Variants in SORCS3 observed in about 807,000 individuals in gnomAD.
SORCS3 encodes VPS10 domain-containing receptor SorCS3.
SORCS3 carries 57 observed loss-of-function variants against 146.3 expected under a neutral mutation model. The ratio of observed to expected loss-of-function variants is 0.39; its 90% CI spans 0.31 to 0.49. The LOEUF is 0.49. SORCS3 is among the 20% of genes least tolerant of loss of function. The pLI is 0.92. For missense variants in SORCS3, 1,341 were observed against 1,575.5 expected, an observed-to-expected ratio of 0.85 and a Z score of 2.52; for synonymous variants, 653 against 618.5, an observed-to-expected ratio of 1.06 and a Z score of -0.83.
At chr10:104,858,728 T>C (rs2018363978) in intron 2 of SORCS3, among the ~76,000 whole-genome samples, 1 of 151,780 alleles carries the variant, frequency 6.6e-6, no homozygotes, top group South Asian at 2.1e-4. Flanking sequence ...TTCAAGCCAT[T>C]CTCCTGCCTC....
chr10:105,071,156 C>T (rs2055553969), intron 5 of SORCS3, among the ~76,000 whole-genome samples: 1 of 152,124 alleles, frequency 6.6e-6, no homozygotes, highest in South Asian at 2.1e-4. Flanking sequence ...TGTCATCAGT[C>T]AGCATCATTC....
chr10:105,130,663 G>A (rs1226815868), intron 7 of SORCS3, among the ~76,000 whole-genome samples: 1 of 152,076 alleles, frequency 6.6e-6, no homozygotes, highest in Non-Finnish European at 1.5e-5. Context: ...GAAACTATTT[G>A]GGGGCTATTA....
chr10:105,115,321 T>A (rs1049713228), intron 7 of SORCS3, among the ~76,000 whole-genome samples: 3 of 152,208 alleles, frequency 2.0e-5, no homozygotes, highest in African/African-American at 7.2e-5. Flanking sequence ...TGAAATGCTT[T>A]GAACGCTACA....
chr10:105,264,681 C>G lies in SORCS3; in HGVS notation c.*1307C>G, dbSNP rs1254014742. 1 of 152,652 alleles carries G rather than the reference C, an allele frequency of 6.6e-6. No individual in the cohort carries two copies. The highest frequency in any genetic ancestry group is 2.4e-5 in the African/African-American group (1 of 41,462). 9.5% of individuals were successfully genotyped at this position (152,652 alleles called of 1,614,324 possible). ...ACACAACTTCCTTAAAGTCAAATGT[C>G]TGCCTTCAGTTCCCTTAAGGTAGTT... On this transcript the variant is annotated 3_prime_UTR_variant, in exon 27 of 27. Coordinates refer to ENST00000369701, the MANE Select transcript of SORCS3 (RefSeq NM_014978.3).
At chr10:104,882,007 G>A (rs969536616) in intron 2 of SORCS3, among the ~76,000 whole-genome samples, 1 of 152,068 alleles carries the variant, frequency 6.6e-6, no homozygotes, top group Admixed American at 6.5e-5. Flanking sequence ...CCCCAAATAG[G>A]GTATGAAGCT....
At chr10:105,044,960 C>G (rs1310448237) in intron 5 of SORCS3, among the ~76,000 whole-genome samples, 1 of 149,224 alleles carries the variant, frequency 6.7e-6, no homozygotes, top group Non-Finnish European at 1.5e-5. Flanking sequence ...AGAACTACAG[C>G]CTTTACTGAG....
intron 1 of SORCS3, among the ~76,000 whole-genome samples, chr10:104,742,323 G>A (rs756273358): frequency 3.9e-5 from 6 of 152,184 alleles, no homozygotes; most frequent in Non-Finnish European, 8.8e-5. Context: ...ATTTGGTGCT[G>A]GGTGACAAGT....
At chr10:105,005,123 T>A (rs1346615233) in intron 4 of SORCS3, among the ~76,000 whole-genome samples, 4 of 152,222 alleles carry the variant, frequency 2.6e-5, no homozygotes, top group Non-Finnish European at 5.9e-5. Context: ...TTGCTAATTA[T>A]ATGAATACCA....
Position 105,211,192 on chromosome 10 carries a change from A to T in SORCS3, c.2317A>T (p.Asn773Tyr), listed in dbSNP as rs780475509. 6 of 1,613,994 alleles carry T rather than the reference A, an allele frequency of 3.7e-6. No homozygotes were observed. In the South Asian group the frequency reaches 6.6e-5, roughly 18 times the overall value. Residue 773 changes from asparagine (N) to tyrosine (Y), a missense_variant, in exon 17 of 27, where the codon AAT becomes TAT. Physicochemically the swap from Asn to Tyr is moderately radical, Grantham distance 143 (BLOSUM62 -2). Transcript: ENST00000369701. ...ESQCVPAFWY[N>Y]PASPSKDCSL... ...CCAGTGTGTCCCAGCTTTCTGGTAC[A>T]ATCCAGCATCCCCATCAAAGGACTG...
chr10:105,060,006 A>T (rs1230343514), intron 5 of SORCS3, among the ~76,000 whole-genome samples: 1 of 152,262 alleles, frequency 6.6e-6, no homozygotes, highest in East Asian at 1.9e-4. Context: ...AAGCTGATAC[A>T]GTAGGACAAA....
At chr10:104,709,785 G>T (rs986182671) in intron 1 of SORCS3, among the ~76,000 whole-genome samples, 21 of 151,962 alleles carry the variant, frequency 1.4e-4, no homozygotes, top group African/African-American at 4.6e-4. Context: ...TGTCTGACTT[G>T]TTCTTTGCTT....
intron 1 of SORCS3, among the ~76,000 whole-genome samples, chr10:104,687,262 A>AG (rs1238597134): frequency 6.6e-6 from 1 of 152,168 alleles, no homozygotes; most frequent in Non-Finnish European, 1.5e-5. Context: ...CTTTTAAAAA[A>AG]TCATCCAACC....
At chr10:105,220,385 C>G (rs189801452) in intron 19 of SORCS3, among the ~76,000 whole-genome samples, 1 of 152,296 alleles carries the variant, frequency 6.6e-6, no homozygotes, top group South Asian at 2.1e-4. Context: ...AGAAGGGGGT[C>G]TCCTTTTATC....
chr10:105,207,640 T>C (rs960333549), intron 16 of SORCS3, among the ~76,000 whole-genome samples: 2 of 152,122 alleles, frequency 1.3e-5, no homozygotes, highest in African/African-American at 4.8e-5. Context: ...GGGAAGGAGA[T>C]TGAGCTGTAT....
At chr10:104,859,141 A>C (rs7097386) in intron 2 of SORCS3, among the ~76,000 whole-genome samples, 18,019 of 151,980 alleles carry the variant, frequency 0.12, 1,932 homozygotes, top group African/African-American at 0.29. Context: ...TATGAGAATA[A>C]GACTTGGATA....
At chr10:104,977,049 T>G (rs2054902905) in intron 3 of SORCS3, among the ~76,000 whole-genome samples, 1 of 151,804 alleles carries the variant, frequency 6.6e-6, no homozygotes, top group South Asian at 2.1e-4. Context: ...CCCTAAAACT[T>G]GAAGTATAAT....
intron 7 of SORCS3, among the ~76,000 whole-genome samples, chr10:105,125,490 G>T (rs1046792508): frequency 1.3e-5 from 2 of 152,048 alleles, no homozygotes; most frequent in African/African-American, 4.8e-5. Flanking sequence ...AACCATTTTG[G>T]CACCAGAGCC....
rs549687961 is a variant in SORCS3, at chr10:104,909,796, T to C, written c.696-6037T>C. 1.1e-3 allele frequency among the ~76,000 whole-genome samples: 167 copies of C among 151,622 alleles called. 1 individual carries two copies. In the South Asian group the frequency reaches 0.018, roughly 17 times the overall value. On this transcript the variant is annotated intron_variant, in intron 2 of 26. Coordinates refer to ENST00000369701, the MANE Select transcript of SORCS3 (RefSeq NM_014978.3). Reference sequence around the variant, plus strand: ...GACTGGATGTCTTTTCTGTTTTTTTTTTTTTCTTTTAAAATAGCCCATATT... The same window carrying C: ...GACTGGATGTCTTTTCTGTTTTTTTCTTTTTCTTTTAAAATAGCCCATATT...
chr10:104,997,787 T>C (rs944704546), intron 4 of SORCS3, among the ~76,000 whole-genome samples: 1 of 152,174 alleles, frequency 6.6e-6, no homozygotes, highest in Non-Finnish European at 1.5e-5. Context: ...ATTCAGCAAA[T>C]CTTTACTGAG....
Sources: gnomAD v4.1 joint callset for allele counts (sites outside exome capture counted in the v4.1 genomes callset) on GRCh38, gnomAD v4.1.1 for gene constraint, MANE v1.5 for transcripts, NCBI Gene and HGNC (gene_info 2026-07-23, HGNC 2026-07-21) for gene names.